Variants in CWF19L1 observed in about 807,000 individuals in gnomAD.
CWF19L1 encodes CWF19 like cell cycle control factor 1, also known as CWF19-like protein 1.
A neutral mutation model predicts 69.7 loss-of-function variants in CWF19L1; 60 were observed. The ratio of observed to expected loss-of-function variants is 0.86; its 90% CI spans 0.70 to 1.07. The LOEUF is 1.07. Ranked by LOEUF, CWF19L1 falls within the 50% of genes least tolerant of loss-of-function variation. CWF19L1 has a pLI of 0.00. For synonymous variants in CWF19L1, 209 were observed against 222.2 expected (o/e 0.94, Z 0.53); for missense variants, 591 against 638.9 (o/e 0.92, Z 0.81).
intron 7 of CWF19L1, among the ~76,000 whole-genome samples, chr10:100,247,866 A>G (rs1846880617): frequency 6.6e-6 from 1 of 152,182 alleles, no homozygotes; most frequent in Non-Finnish European, 1.5e-5. Context: ...ACTACACTCC[A>G]GCCTGGGCAA....
intron 7 of CWF19L1, chr10:100,248,337 G>A (rs1285940859): frequency 1.8e-6 from 2 of 1,104,880 alleles, no homozygotes; most frequent in African/African-American, 3.1e-5. Flanking sequence ...GGTGAACTCT[G>A]CCCTATATAA....
chr10:100,247,167 C>T (rs1419481510), intron 7 of CWF19L1, among the ~76,000 whole-genome samples: 1 of 152,070 alleles, frequency 6.6e-6, no homozygotes, highest in Non-Finnish European at 1.5e-5. Flanking sequence ...AAATCAAAGC[C>T]CCCACCCTCA....
intron 6 of CWF19L1, among the ~76,000 whole-genome samples, chr10:100,253,180 T>C (rs974272768): frequency 1.3e-5 from 2 of 152,112 alleles, no homozygotes; most frequent in Non-Finnish European, 2.9e-5. Flanking sequence ...CCATCATGCC[T>C]GGCCCTGAAA....
chr10:100,262,362 C>G (rs1847434005), intron 1 of CWF19L1: 1 of 985,350 alleles, frequency 1.0e-6, no homozygotes, highest in Non-Finnish European at 1.2e-6. Context: ...AGTCAAAAAT[C>G]CCCCATCCAG....
chr10:100,240,862 G>A (rs1846612280), intron 10 of CWF19L1, among the ~76,000 whole-genome samples: 1 of 152,146 alleles, frequency 6.6e-6, no homozygotes, highest in Non-Finnish European at 1.5e-5. Flanking sequence ...AAAGGGCACT[G>A]CTATAAAAGC....
chr10:100,242,689 A>AAG (rs1842391680), intron 10 of CWF19L1, among the ~76,000 whole-genome samples: 1 of 152,070 alleles, frequency 6.6e-6, no homozygotes, highest in Non-Finnish European at 1.5e-5. Flanking sequence ...AAAAAAAAAA[A>AAG]AAATTTCATA....
At chr10:100,245,318 C>A (rs1350190675) in intron 9 of CWF19L1, among the ~76,000 whole-genome samples, 1 of 152,132 alleles carries the variant, frequency 6.6e-6, no homozygotes. Flanking sequence ...CCACACCTGG[C>A]CAAGAATATC....
At chr10:100,267,040 T>A (rs1427234577) in intron 1 of CWF19L1, among the ~76,000 whole-genome samples, 1 of 150,406 alleles carries the variant, frequency 6.6e-6, no homozygotes, top group Non-Finnish European at 1.5e-5. Flanking sequence ...AAGCAGGAAC[T>A]CCATCTGTTG....
At chr10:100,250,227 A>G (rs777797966) in intron 7 of CWF19L1, 21 bp downstream of exon 7, 1 of 1,509,758 alleles carries the variant, frequency 6.6e-7, no homozygotes, top group East Asian at 2.3e-5. Flanking sequence ...TCAACCTTCC[A>G]CCAAATAGGT....
chr10:100,249,396 C>T (rs566188656), intron 7 of CWF19L1, among the ~76,000 whole-genome samples: 1 of 152,300 alleles, frequency 6.6e-6, no homozygotes, highest in Non-Finnish European at 1.5e-5. Flanking sequence ...TCTCAATCCA[C>T]AATAGGTTAG....
At chr10:100,267,375 C>A (rs1294292150) in intron 1 of CWF19L1, 196 bp downstream of exon 1, 4 of 965,990 alleles carry the variant, frequency 4.1e-6, no homozygotes, top group African/African-American at 1.8e-5. Context: ...CAAGAGAAAC[C>A]CCCTCAGAAG....
At chr10:100,260,819 G>A in intron 3 of CWF19L1, 147 bp downstream of exon 3, 1 of 597,474 alleles carries the variant, frequency 1.7e-6, no homozygotes, top group Non-Finnish European at 2.9e-6. Context: ...CACTGCGCCG[G>A]ATAGTCTTAA....
intron 10 of CWF19L1, among the ~76,000 whole-genome samples, chr10:100,241,284 C>T (rs1767915508): frequency 1.3e-5 from 2 of 152,138 alleles, no homozygotes; most frequent in Admixed American, 1.3e-4. Context: ...GGATTACAGC[C>T]GTGAGCAGGC....
At chr10:100,243,800 T>C in intron 9 of CWF19L1, 23 bp from the exon 10 acceptor site, 2 of 1,599,862 alleles carry the variant, frequency 1.3e-6, no homozygotes, top group Non-Finnish European at 1.7e-6. Context: ...GAAAGCCAGG[T>C]GTTACTATGG....
At chr10:100,249,647 C>T (rs1564856466) in intron 7 of CWF19L1, among the ~76,000 whole-genome samples, 2 of 152,060 alleles carry the variant, frequency 1.3e-5, no homozygotes, top group South Asian at 2.1e-4. Context: ...TGCAGTGGCC[C>T]GATCTCAGCT....
intron 1 of CWF19L1, 197 bp downstream of exon 1, chr10:100,267,374 C>T (rs574496689): frequency 1.0e-6 from 1 of 964,976 alleles, no homozygotes; most frequent in Non-Finnish European, 1.2e-6. Flanking sequence ...CCAAGAGAAA[C>T]CCCCTCAGAA....
rs377473147 is a variant in CWF19L1, at chr10:100,245,768, T to C, written c.964+31A>G. ...AAGCCAAAATAACAGTTACTGTTCATAGAAGAAACCTCTGGAATAAAGGTA... is the reference window on the plus strand; with the variant it reads ...AAGCCAAAATAACAGTTACTGTTCACAGAAGAAACCTCTGGAATAAAGGTA... On this transcript the variant is annotated intron_variant, in intron 9 of 13. Transcript: ENST00000354105. 2.1e-5 allele frequency: 33 copies of C among 1,543,226 alleles called. No homozygotes were observed. In the South Asian group the frequency reaches 3.0e-4, roughly 14 times the overall value.
intron 8 of CWF19L1, 149 bp from the exon 9 acceptor site, chr10:100,246,062 T>C (rs1344894316): frequency 3.4e-6 from 2 of 588,848 alleles, no homozygotes; most frequent in Admixed American, 2.9e-5. Context: ...GCAAAATATC[T>C]TCCCAGTTCT....
intron 5 of CWF19L1, 188 bp from the exon 6 acceptor site, chr10:100,253,727 T>C (rs1054810434): frequency 2.1e-6 from 1 of 480,560 alleles, no homozygotes; most frequent in African/African-American, 2.0e-5. Flanking sequence ...GGAGCTGAAC[T>C]ACTATGAATG....
Sources: gnomAD v4.1 joint callset for allele counts (sites outside exome capture counted in the v4.1 genomes callset) on GRCh38, gnomAD v4.1.1 for gene constraint, MANE v1.5 for transcripts, NCBI Gene and HGNC (gene_info 2026-07-23, HGNC 2026-07-21) for gene names.